Variants in NEB observed in about 807,000 individuals in gnomAD.
NEB encodes nebulin.
In NEB, 512 loss-of-function variants were observed where a neutral mutation model predicts 952.2. That is an observed-to-expected ratio of 0.54 (90% CI 0.50 to 0.58). The LOEUF (loss-of-function observed/expected upper bound fraction) is 0.58. NEB is among the 20% of genes least tolerant of loss of function. The pLI is 0.00. For synonymous variants in NEB, 2,900 were observed against 3,149.8 expected (o/e 0.92, Z 2.66); for missense variants, 8,428 against 9,231.1 (o/e 0.91, Z 3.56).
intron 181 of NEB, among the ~76,000 whole-genome samples, chr2:151,486,912 A>G (rs2050952755): frequency 6.6e-6 from 1 of 152,358 alleles, no homozygotes; most frequent in South Asian, 2.1e-4. Context: ...TTAATTCACC[A>G]GAAGAGTTTT....
At chr2:151,609,777 C>A in intron 81 of NEB, 32 bp downstream of exon 81, 1 of 1,542,804 alleles carries the variant, frequency 6.5e-7, no homozygotes, top group South Asian at 1.3e-5. Flanking sequence ...ACATCTTCCC[C>A]TTCCCCCTTT....
chr2:151,485,971 T>TG, intron 181 of NEB, 38 bp from the exon 182 acceptor site: 3 of 1,598,748 alleles, frequency 1.9e-6, no homozygotes, highest in Non-Finnish European at 2.6e-6. Context: ...TATTATATGT[T>TG]GGATTTGCAA....
chr2:151,720,985 C>G (rs1011257447), intron 9 of NEB, among the ~76,000 whole-genome samples: 1 of 152,172 alleles, frequency 6.6e-6, no homozygotes, highest in African/African-American at 2.4e-5. Flanking sequence ...CTCCATTTCT[C>G]TTTCCATTAA....
intron 161 of NEB, among the ~76,000 whole-genome samples, chr2:151,509,141 T>A (rs1394931055): frequency 6.6e-6 from 1 of 152,194 alleles, no homozygotes. Flanking sequence ...TATTGAAATT[T>A]GTAATCTTGC....
chr2:151,635,536 A>G (rs1327294229), intron 64 of NEB, among the ~76,000 whole-genome samples: 1 of 151,954 alleles, frequency 6.6e-6, no homozygotes, highest in Non-Finnish European at 1.5e-5. Flanking sequence ...GTGAAAACCC[A>G]TCTCTACTAA....
Position 151,490,042 on chromosome 2 carries a change from G to A in NEB, c.25333C>T (p.Gln8445Ter), listed in dbSNP as rs2152763931. The change falls in exon 181 of 182, where the codon CAA becomes TAA. Residue 8445 changes from glutamine (Q) to a stop codon, truncating the protein, a stop_gained. Coordinates refer to ENST00000397345, the MANE Select transcript of NEB (RefSeq NM_001164508.2). LOFTEE classifies it high-confidence loss of function. ...KHAKTTELPQ[Q>*]RSSSVATQQT... ...TGGGTAGCAACTGAAGATGATCGTT[G>A]TTGTGGGAGCTCTGTGGTTTTTGCA... is the stretch of plus-strand genomic sequence containing the variant. 1.2e-6 allele frequency: 2 copies of A among 1,613,314 alleles called. No individual in the cohort carries two copies. Among genetic ancestry groups the A allele is most frequent in the Non-Finnish European group, 1.7e-6 (2 of 1,179,582 alleles).
chr2:151,485,973 G>T lies in NEB; in HGVS notation c.25405-40C>A, dbSNP rs371503160. The T allele has an allele frequency of 2.0e-5, 32 of 1,587,192 alleles. No homozygotes were observed. The African/African-American group carries it at 4.0e-4, about 20-fold the overall frequency. ...GGAAAAGGGGAAATATTATATGTTG[G>T]ATTTGCAACAGTTAACACACATCTA... On this transcript the variant is annotated intron_variant, in intron 181 of 181. Transcript: ENST00000397345.
At chr2:151,554,738 C>T (rs2095537931) in intron 125 of NEB, among the ~76,000 whole-genome samples, 193 bp downstream of exon 125, 2 of 152,174 alleles carry the variant, frequency 1.3e-5, no homozygotes, top group Admixed American at 1.3e-4. Flanking sequence ...ATACTTGCCA[C>T]TGTGTTACTG....
chr2:151,561,188 A>T lies in NEB; in HGVS notation c.19101+20T>A. On this transcript the variant is annotated intron_variant, in intron 122 of 181. Coordinates refer to ENST00000397345, the MANE Select transcript of NEB (RefSeq NM_001164508.2). ...ACAAGAAATAGTTTGTCCCTGGAAG[A>T]GGAGTACAGGAAGACGCACCTCACT... 1 of 1,589,156 alleles carries T rather than the reference A, an allele frequency of 6.3e-7. No individual in the cohort carries two copies. Among genetic ancestry groups the T allele is most frequent in the Non-Finnish European group, 8.6e-7 (1 of 1,161,950 alleles).
In NEB at chr2:151,697,266, A is replaced by T. The variant is rs1159230102; in HGVS notation, c.1366-14T>A. On this transcript the variant is annotated splice_polypyrimidine_tract_variant and intron_variant, in intron 15 of 181. Transcript: ENST00000397345. ...TTTGTAGTTTTTCTATGAGGAGAAGAAATTAGGCATAAGATGCAGCCATTG... is the reference window on the plus strand; with the variant it reads ...TTTGTAGTTTTTCTATGAGGAGAAGTAATTAGGCATAAGATGCAGCCATTG... 1.2e-6 allele frequency: 2 copies of T among 1,612,648 alleles called. No homozygotes were observed. Among genetic ancestry groups the T allele is most frequent in the Non-Finnish European group, 1.7e-6 (2 of 1,178,804 alleles).
intron 24 of NEB, 80 bp downstream of exon 24, chr2:151,690,647 G>T: frequency 2.0e-6 from 2 of 1,003,758 alleles, no homozygotes; most frequent in Non-Finnish European, 3.1e-6. Context: ...AGCCCATGAA[G>T]ATTAAGCATG....
In NEB at chr2:151,655,982, A is replaced by C; in HGVS notation, c.6537T>G (p.Leu2179=). 1 of 1,613,756 alleles carries C rather than the reference A, an allele frequency of 6.2e-7. No homozygotes were observed. The highest frequency in any genetic ancestry group is 8.5e-7 in the Non-Finnish European group (1 of 1,179,768). Residue 2179 remains leucine, a synonymous_variant, in exon 50 of 182, where the codon CTT becomes CTG. Coordinates refer to ENST00000397345, the MANE Select transcript of NEB (RefSeq NM_001164508.2). The part of the protein sequence containing the change: ...KQDYNEWYKG[L]GWSPAGSLEV... ...CCAGAGAACCTGCTGGACTCCAGCC[A>C]AGCCCTTTGTACCATTCATTGTAAT...
intron 107 of NEB, among the ~76,000 whole-genome samples, chr2:151,575,193 G>A (rs2096786410): frequency 6.6e-6 from 1 of 152,120 alleles, no homozygotes; most frequent in Non-Finnish European, 1.5e-5. Flanking sequence ...GAAGAAAAGT[G>A]TTTAAATGTT....
chr2:151,610,101 T>G lies in NEB; in HGVS notation c.12038A>C (p.Tyr4013Ser). 1 of 1,611,444 alleles carries G rather than the reference T, an allele frequency of 6.2e-7. No individual in the cohort carries two copies. Residue 4013 changes from tyrosine to serine, a missense_variant, in exon 81 of 182, where the codon TAT (tyrosine) becomes TCT (serine). Coordinates refer to ENST00000397345, the MANE Select transcript of NEB (RefSeq NM_001164508.2). The part of the protein sequence containing the change: ...IASDYKYKEA[Y>S]EKQKGHHIGA... ...AATGTGGTGGCCTTTCTGTTTCTCATAGGCTTCCTTGTATTTGTACTAAAA... is the reference window on the plus strand; with the variant it reads ...AATGTGGTGGCCTTTCTGTTTCTCAGAGGCTTCCTTGTATTTGTACTAAAA...
chr2:151,625,773 C>A, intron 70 of NEB, 135 bp from the exon 71 acceptor site: 1 of 501,972 alleles, frequency 2.0e-6, no homozygotes, highest in Non-Finnish European at 3.4e-6. Context: ...TTCTTTTCAA[C>A]CTCTTTGATT....
At chr2:151,634,093 T>A (rs2098714530) in intron 64 of NEB, 128 bp from the exon 65 acceptor site, 2 of 1,099,786 alleles carry the variant, frequency 1.8e-6, no homozygotes, top group Non-Finnish European at 2.6e-6. Flanking sequence ...CAAGCCAGTA[T>A]CCTGGCTTTC....
At chr2:151,568,470 T>A in intron 111 of NEB, 53 bp from the exon 112 acceptor site, 1 of 1,535,472 alleles carries the variant, frequency 6.5e-7, no homozygotes, top group Admixed American at 1.7e-5. Flanking sequence ...TAAGAAAGCA[T>A]CATGTTGTCC....
chr2:151,619,474 T>C lies in NEB; in HGVS notation c.10849A>G (p.Lys3617Glu). The C allele has an allele frequency of 6.2e-7, 1 of 1,608,840 alleles. No individual in the cohort carries two copies. The highest frequency in any genetic ancestry group is 8.5e-7 in the Non-Finnish European group (1 of 1,175,970). ...ACGTCACTCTGGAGGTCATAGGCTT[T>C]CCGTGCATGAATGATGTCATTCTGG... ...PDQNDIIHAR[K>E]AYDLQSDNLY... Residue 3617 changes from lysine (K) to glutamate (E), a missense_variant, in exon 73 of 182, where the codon AAA becomes GAA. By Grantham distance (56) the Lys-to-Glu change is moderately conservative. This residue lies in a region of NEB where 1,772 missense variants were observed against 1,960.3 expected (regional missense o/e 0.90). Transcript: ENST00000397345.
At position 151,609,860 on chromosome 2, in the gene NEB, C is replaced by T. The variant is rs367638234; in HGVS notation, c.12279G>A (p.Pro4093=). 4.9e-5 allele frequency: 79 copies of T among 1,608,546 alleles called. No individual in the cohort carries two copies. The highest frequency in any genetic ancestry group is 1.5e-4 in the African/African-American group (11 of 74,740). ...TTGCTTGGATAATGTCGTTTTGATC[C>T]GGCATGCATGTCCATTCATGCAGGT... ...RNYLHEWTCM[P]DQNDIIQAKK... The change falls in exon 81 of 182, where the codon CCG becomes CCA. Residue 4093 remains proline, a synonymous_variant. Transcript: ENST00000397345.
Sources: gnomAD v4.1 joint callset for allele counts (sites outside exome capture counted in the v4.1 genomes callset) on GRCh38, gnomAD v4.1.1 for gene constraint, gnomAD v4.1.1 regional missense constraint, MANE v1.5 for transcripts, NCBI Gene and HGNC (gene_info 2026-07-23, HGNC 2026-07-21) for gene names.